The following NRXN2 variants were observed in gnomAD, a reference collection of about 807,000 sequenced individuals.
The protein encoded by NRXN2 is neurexin-2-beta.
NRXN2 carries 29 observed loss-of-function variants against 128.8 expected under a neutral mutation model. The ratio of observed to expected loss-of-function variants is 0.23; its 90% confidence interval spans 0.17 to 0.31. The LOEUF is 0.31. NRXN2 is among the 10% of genes least tolerant of loss of function. NRXN2 has a pLI of 1.00. For missense variants in NRXN2, 1,881 were observed against 2,452.6 expected, an observed-to-expected ratio of 0.77 and a Z score of 4.92; for synonymous variants, 1,098 against 1,075.2, an observed-to-expected ratio of 1.02 and a Z score of -0.41.
At chr11:64,691,412 A>G (rs2053786008) in intron 4 of NRXN2, among the ~76,000 whole-genome samples, 1 of 152,172 alleles carries the variant, frequency 6.6e-6, no homozygotes, top group Non-Finnish European at 1.5e-5. Context: ...CAGTGAACCT[A>G]TATACTCAGC....
At chr11:64,670,467 G>C (rs2050486562) in intron 7 of NRXN2, among the ~76,000 whole-genome samples, 1 of 152,134 alleles carries the variant, frequency 6.6e-6, no homozygotes, top group African/African-American at 2.4e-5. Context: ...GGATAAGACA[G>C]GGAGTGGGTA....
chr11:64,665,051 G>A (rs1294671871), intron 9 of NRXN2, among the ~76,000 whole-genome samples: 2 of 151,764 alleles, frequency 1.3e-5, no homozygotes, highest in African/African-American at 4.8e-5. Context: ...GGGAGGCCAA[G>A]GCGGGCGGAT....
At chr11:64,628,211 AG>A (rs35346558) in intron 19 of NRXN2, among the ~76,000 whole-genome samples, 1 of 152,160 alleles carries the variant, frequency 6.6e-6, no homozygotes, top group South Asian at 2.1e-4. Context: ...TATTGCTATG[AG>A]GTAGGTATCA....
chr11:64,696,244 C>T (rs113734270), intron 3 of NRXN2, among the ~76,000 whole-genome samples: 423 of 152,120 alleles, frequency 2.8e-3, no homozygotes, highest in African/African-American at 9.6e-3. Flanking sequence ...CACCCAGACA[C>T]GCAGACTCTC....
chr11:64,607,362 T>C lies in NRXN2; in HGVS notation c.4973A>G (p.Tyr1658Cys). The C allele has an allele frequency of 3.1e-6, 5 of 1,613,844 alleles. No homozygotes were observed. Among genetic ancestry groups the C allele is most frequent in the Non-Finnish European group, 3.4e-6 (4 of 1,179,966 alleles). The change falls in exon 23 of 23, where the codon TAT becomes TGT. Residue 1658 changes from tyrosine (Y) to cysteine (C), a missense_variant. Physicochemically the swap from Tyr to Cys is radical, Grantham distance 194. This residue lies in a region of NRXN2 where 63 missense variants were observed against 76.0 expected (regional missense o/e 0.83). Transcript: ENST00000265459. ...LCILILLYAM[Y>C]KYRNRDEGSY... ...GCCCTCATCACGATTGCGGTACTTA[T>C]ACATGGCGTAGAGGAGGATGAGGAT...
intron 19 of NRXN2, 67 bp from the exon 20 acceptor site, chr11:64,626,619 T>C: frequency 8.6e-7 from 1 of 1,156,524 alleles, no homozygotes; most frequent in Non-Finnish European, 1.3e-6. Flanking sequence ...AGAAAAGTAA[T>C]TATGCAATCC....
Position 64,691,957 on chromosome 11 carries a change from C to A in NRXN2, c.778+890G>T, listed in dbSNP as rs902600480. 5.3e-5 allele frequency among the ~76,000 whole-genome samples: 8 copies of A among 152,208 alleles called. No individual in the cohort carries two copies. In the East Asian group the frequency reaches 1.5e-3, roughly 29 times the overall value. On this transcript the variant is annotated intron_variant, in intron 4 of 22. Coordinates refer to ENST00000265459, the MANE Select transcript of NRXN2 (RefSeq NM_015080.4). The stretch of plus-strand genomic sequence containing the variant: ...GGCAGGTCCAACAGTGCCAAAGGGT[C>A]TGAAAGGCCAAAACCCTGAGCTCAG...
At chr11:64,686,064 C>T (rs895342531) in intron 5 of NRXN2, 117 bp from the exon 6 acceptor site, 1 of 1,106,514 alleles carries the variant, frequency 9.0e-7, no homozygotes, top group African/African-American at 1.6e-5. Context: ...GCCCAGAGGT[C>T]CCAACCTGTA....
At chr11:64,689,683 A>C (rs1180458418) in intron 5 of NRXN2, among the ~76,000 whole-genome samples, 2 of 152,174 alleles carry the variant, frequency 1.3e-5, no homozygotes, top group African/African-American at 4.8e-5. Context: ...AAAGTGTGGA[A>C]GTGACCAGGT....
rs1191770542 is a variant in NRXN2 at position 64,632,910 on chromosome 11, C to T, written c.3586-2337G>A. Among the ~76,000 whole-genome samples, 2 of 152,188 alleles carry T rather than the reference C, an allele frequency of 1.3e-5. No individual in the cohort carries two copies. Among genetic ancestry groups the T allele is most frequent in the Admixed American group, 6.5e-5 (1 of 15,288 alleles). ...AATTGCTTTTCTCTTATTTTGCTGC[C>T]GCCTCCCCACTCTCTGAGAGCTGCT... On this transcript the variant is annotated intron_variant, in intron 18 of 22. Transcript: ENST00000265459. The surrounding 1 kb of genome is among the most constrained non-coding windows in gnomAD (Gnocchi z 4.2).
At chr11:64,721,969 C>T (rs1329354129) in intron 1 of NRXN2, among the ~76,000 whole-genome samples, 1 of 151,986 alleles carries the variant, frequency 6.6e-6, no homozygotes, top group Admixed American at 6.6e-5. Flanking sequence ...GCATCGAATG[C>T]CCTCTCCCAA....
At chr11:64,698,566 A>C (rs2135609043) in intron 2 of NRXN2, among the ~76,000 whole-genome samples, 1 of 152,200 alleles carries the variant, frequency 6.6e-6, no homozygotes, top group East Asian at 1.9e-4. Flanking sequence ...TGTCTTCTTA[A>C]CATCTGGATG....
chr11:64,607,492 T>C lies in NRXN2; in HGVS notation c.4843A>G (p.Thr1615Ala). The part of the protein sequence containing the change: ...GFPHLPTANP[T>A]GPGERGPPGA... ...GGCGGGCCCCGCTCCCCAGGCCCTG[T>C]GGGGTTGGCTGTGGGCAGATGGGGG... The change falls in exon 23 of 23, where the codon ACA becomes GCA. Residue 1615 changes from threonine to alanine, a missense_variant. By Grantham distance (58) the Thr-to-Ala change is moderately conservative. Around this residue, in one of 7 missense-constraint regions of NRXN2, gnomAD observed 310 missense variants for 318.2 expected, o/e 0.97. Coordinates refer to ENST00000265459, the MANE Select transcript of NRXN2 (RefSeq NM_015080.4). 1.2e-6 allele frequency: 2 copies of C among 1,600,684 alleles called. No homozygotes were observed. Among genetic ancestry groups the C allele is most frequent in the Non-Finnish European group, 1.7e-6 (2 of 1,176,058 alleles).
intron 17 of NRXN2, chr11:64,642,434 G>T: frequency 7.0e-7 from 1 of 1,433,934 alleles, no homozygotes; most frequent in South Asian, 1.4e-5. Flanking sequence ...GGCCAGGCTC[G>T]GCGTGCACAG....
rs1331329876 is a variant in NRXN2 at position 64,667,529 on chromosome 11, G to T, written c.1519C>A (p.Pro507Thr). Residue 507 changes from proline to threonine, a missense_variant, in exon 9 of 23, where the codon CCC (proline) becomes ACC (threonine). Around this residue, in one of 7 missense-constraint regions of NRXN2, gnomAD observed 997 missense variants for 1,240.8 expected, o/e 0.80. Coordinates refer to ENST00000265459, the MANE Select transcript of NRXN2 (RefSeq NM_015080.4). The surrounding 1 kb of genome is among the most constrained non-coding windows in gnomAD (Gnocchi z 5.6). ...CCAGTGCGCTTAGCGCTCCAGCGGG[G>T]CAGCGCCACAAAGGCCTCGGGACTC... is the stretch of plus-strand genomic sequence containing the variant. ...FESPEAFVAL[P>T]RWSAKRTGSI... is the part of the protein sequence containing the mutation. 3.1e-6 allele frequency: 5 copies of T among 1,613,990 alleles called. No individual in the cohort carries two copies. The highest frequency in any genetic ancestry group is 2.7e-5 in the African/African-American group (2 of 74,938).
intron 1 of NRXN2, among the ~76,000 whole-genome samples, chr11:64,721,753 G>A (rs999244927): frequency 6.6e-6 from 1 of 152,056 alleles, no homozygotes; most frequent in Non-Finnish European, 1.5e-5. Flanking sequence ...CAACAGGGAA[G>A]GATAAGAATG....
chr11:64,688,625 A>T (rs2135575781), intron 5 of NRXN2: 6 of 985,400 alleles, frequency 6.1e-6, no homozygotes, highest in Non-Finnish European at 7.2e-6. Context: ...TACAACTCCC[A>T]GCAGCGCTTG....
chr11:64,642,398 A>C, intron 17 of NRXN2: 1 of 1,253,704 alleles, frequency 8.0e-7, no homozygotes, highest in Non-Finnish European at 1.1e-6. Context: ...TTGGAGGTGA[A>C]GGGGCTCCGG....
chr11:64,644,783 T>G (rs1028348805), intron 17 of NRXN2, among the ~76,000 whole-genome samples: 4 of 140,644 alleles, frequency 2.8e-5, no homozygotes, highest in African/African-American at 8.1e-5. Context: ...CAGGGGCGGG[T>G]GAAGTGAGAA....
Sources: allele counts gnomAD v4.1 joint callset (sites outside exome capture counted in the v4.1 genomes callset), GRCh38; gene constraint gnomAD v4.1.1; regional missense constraint gnomAD v4.1.1; non-coding constraint Gnocchi (gnomAD v3.1); transcripts MANE v1.5; gene names NCBI Gene and HGNC (gene_info 2026-07-23, HGNC 2026-07-21).